GPC6: variants seen among roughly 807,000 people sequenced by gnomAD.
GPC6 encodes the protein glypican-6.
GPC6 carries 14 observed loss-of-function variants against 55.2 expected under a neutral mutation model. The ratio of observed to expected loss-of-function variants is 0.25; its 90% CI spans 0.17 to 0.40. The LOEUF (loss-of-function observed/expected upper bound fraction) is 0.40. GPC6 is among the 10% of genes least tolerant of loss of function. GPC6 has a pLI of 1.00. For missense variants in GPC6, 641 were observed against 708.5 expected (o/e 0.90, Z 1.08); for synonymous variants, 278 against 259.6 (o/e 1.07, Z -0.68).
chr13:93,715,670 G>A (rs983448810), intron 2 of GPC6, among the ~76,000 whole-genome samples: 1 of 151,592 alleles, frequency 6.6e-6, no homozygotes, highest in Non-Finnish European at 1.5e-5. Flanking sequence ...TGAAATATAT[G>A]AGAAATAGTT....
At chr13:93,536,917 TAACTC>T (rs1262980881) in intron 1 of GPC6, among the ~76,000 whole-genome samples, 1 of 152,178 alleles carries the variant, frequency 6.6e-6, no homozygotes, top group East Asian at 1.9e-4. Context: ...TTAAAGTAAA[TAACTC>T]AAGGCAGTAT....
chr13:94,285,811 C>T (rs1481692468), intron 4 of GPC6, among the ~76,000 whole-genome samples: 1 of 152,168 alleles, frequency 6.6e-6, no homozygotes, highest in East Asian at 1.9e-4. Context: ...CCCCTGTCCC[C>T]CAAAAGATGT....
chr13:93,257,800 T>C (rs1877005725), intron 1 of GPC6, among the ~76,000 whole-genome samples: 1 of 152,202 alleles, frequency 6.6e-6, no homozygotes, highest in Non-Finnish European at 1.5e-5. Flanking sequence ...GTGAATTATA[T>C]GATTTCATTT....
chr13:93,620,860 G>A (rs1056921076), intron 2 of GPC6, among the ~76,000 whole-genome samples: 10 of 152,094 alleles, frequency 6.6e-5, no homozygotes, highest in Non-Finnish European at 8.8e-5. Flanking sequence ...TTTTCTTCAT[G>A]TACCACCAAC....
Position 94,296,317 on chromosome 13 carries a change from C to T in GPC6, c.1009-9663C>T, listed in dbSNP as rs911075714. On this transcript the variant is annotated intron_variant, in intron 5 of 8. Coordinates refer to ENST00000377047, the MANE Select transcript of GPC6 (RefSeq NM_005708.5). ...TTTGCTTTCACTTTAACTTCAGGGC[C>T]GTAAGATGAGAAGATTACATTTAAT... 5.9e-5 allele frequency among the ~76,000 whole-genome samples: 9 copies of T among 151,972 alleles called. No individual in the cohort carries two copies. The South Asian group carries it at 6.2e-4, about 11-fold the overall frequency.
At chr13:93,505,720 G>A (rs1010290217) in intron 1 of GPC6, among the ~76,000 whole-genome samples, 1 of 152,142 alleles carries the variant, frequency 6.6e-6, no homozygotes, top group Non-Finnish European at 1.5e-5. Context: ...AGGGGCACTT[G>A]TTTAAGTGTG....
chr13:94,368,308 G>A (rs908199721), intron 6 of GPC6, among the ~76,000 whole-genome samples: 1 of 152,060 alleles, frequency 6.6e-6, no homozygotes, highest in African/African-American at 2.4e-5. Flanking sequence ...TAAAATGCTG[G>A]GTGTAACATA....
At chr13:93,655,003 A>ATTTTTTTTTTTTTTT (rs3884231) in intron 2 of GPC6, among the ~76,000 whole-genome samples, 19 of 104,718 alleles carry the variant, frequency 1.8e-4, no homozygotes, top group East Asian at 5.6e-4. Flanking sequence ...TGCCCGGCTA[A>ATTTTTTTTTTTTTTT]TTTTTTTTTT....
chr13:93,932,033 T>C (rs574688231), intron 3 of GPC6, among the ~76,000 whole-genome samples: 4 of 152,206 alleles, frequency 2.6e-5, no homozygotes, highest in Non-Finnish European at 5.9e-5. Context: ...ATACTTCAGA[T>C]AAAAATACCT....
Position 94,381,074 on chromosome 13 carries a change from C to T in GPC6, c.1153-1340C>T, listed in dbSNP as rs569540706. Among the ~76,000 whole-genome samples the T allele has an allele frequency of 4.1e-4, 63 of 152,298 alleles. No homozygotes were observed. The Middle Eastern group carries it at 0.01, about 25-fold the overall frequency. On this transcript the variant is annotated intron_variant, in intron 6 of 8. Transcript: ENST00000377047. The stretch of plus-strand genomic sequence containing the variant: ...AACAAGTGACCAATTTGTCCCCTTG[C>T]TTCATCACTTGATGAAGGTGGCAGC...
chr13:94,081,844 C>CTTTCTTTTTTTT (rs1885107066), intron 4 of GPC6, among the ~76,000 whole-genome samples: 1 of 132,992 alleles, frequency 7.5e-6, no homozygotes, highest in Non-Finnish European at 1.6e-5. Flanking sequence ...TACTACTTTC[C>CTTTCTTTTTTTT]TTTTTTTTTT....
intron 4 of GPC6, among the ~76,000 whole-genome samples, chr13:94,083,372 C>A (rs983377982): frequency 4.6e-5 from 7 of 152,220 alleles, no homozygotes; most frequent in Admixed American, 2.0e-4. Flanking sequence ...CCCACCTTGG[C>A]CTCCCAAAGT....
intron 5 of GPC6, among the ~76,000 whole-genome samples, chr13:94,300,595 T>G (rs1875598167): frequency 6.6e-6 from 1 of 152,226 alleles, no homozygotes; most frequent in African/African-American, 2.4e-5. Flanking sequence ...GATATCTTCC[T>G]AAAATCCACA....
chr13:93,899,869 A>G (rs997311182), intron 3 of GPC6, among the ~76,000 whole-genome samples: 15 of 152,190 alleles, frequency 9.9e-5, no homozygotes, highest in Non-Finnish European at 2.1e-4. Flanking sequence ...AGGAATGTTG[A>G]TCAGGCAATT....
chr13:93,260,169 G>C (rs983362624), intron 1 of GPC6, among the ~76,000 whole-genome samples: 13 of 152,024 alleles, frequency 8.6e-5, no homozygotes, highest in Non-Finnish European at 1.9e-4. Flanking sequence ...TCACTTATTT[G>C]TTTCTACAGA....
intron 3 of GPC6, among the ~76,000 whole-genome samples, chr13:93,879,990 A>G (rs1480301078): frequency 6.6e-6 from 1 of 151,244 alleles, no homozygotes; most frequent in Non-Finnish European, 1.5e-5. Flanking sequence ...GCCATCAGAG[A>G]AATGCAAATC....
At chr13:94,256,116 A>G (rs925577654) in intron 4 of GPC6, among the ~76,000 whole-genome samples, 4 of 152,170 alleles carry the variant, frequency 2.6e-5, no homozygotes, top group African/African-American at 4.8e-5. Context: ...CTATTGGATC[A>G]TGCCTGAAAT....
chr13:93,337,986 C>CT (rs1307685317), intron 1 of GPC6, among the ~76,000 whole-genome samples: 1 of 152,202 alleles, frequency 6.6e-6, no homozygotes, highest in African/African-American at 2.4e-5. Flanking sequence ...CCCTTAATAA[C>CT]TGTAGAGAAC....
chr13:94,148,999 A>T (rs1295476344), intron 4 of GPC6, among the ~76,000 whole-genome samples: 2 of 152,152 alleles, frequency 1.3e-5, no homozygotes, highest in Non-Finnish European at 2.9e-5. Context: ...AAATTTCACT[A>T]CTTCTAACCA....
Sources: allele counts gnomAD v4.1 joint callset (sites outside exome capture counted in the v4.1 genomes callset), GRCh38; gene constraint gnomAD v4.1.1; transcripts MANE v1.5; gene names NCBI Gene and HGNC (gene_info 2026-07-23, HGNC 2026-07-21).